Variants in PRRC2C observed in about 807,000 individuals in gnomAD.
The protein encoded by PRRC2C is proline rich coiled-coil 2C.
PRRC2C carries 72 observed loss-of-function variants against 317.2 expected under a neutral mutation model. The observed-to-expected ratio is 0.23, with a 90% confidence interval of 0.19 to 0.28. The LOEUF is 0.28. Ranked by LOEUF, PRRC2C falls within the 10% of genes least tolerant of loss-of-function variation. The pLI is 1.00. For missense variants in PRRC2C, 3,074 were observed against 3,459.7 expected (o/e 0.89, Z 2.80); for synonymous variants, 1,296 against 1,205.9 (o/e 1.07, Z -1.55).
In PRRC2C at chr1:171,591,802, A is replaced by G; in HGVS notation, c.8652A>G (p.Gly2884=). The G allele has an allele frequency of 6.2e-7, 1 of 1,612,114 alleles. No individual in the cohort carries two copies. The highest frequency in any genetic ancestry group is 1.1e-5 in the South Asian group (1 of 90,978). ...TAGCCACCAAACCTGTTAGAACTGG[A>G]CCAATCAAACCTCAGGCGATCAAAA... is the stretch of plus-strand genomic sequence containing the variant. ...PSIATKPVRT[G]PIKPQAIKTE... The change falls in exon 35 of 35, where the codon GGA becomes GGG. Residue 2884 remains glycine, a synonymous_variant. Transcript: ENST00000647382.
chr1:171,548,895 A>G (rs973857417), intron 17 of PRRC2C, among the ~76,000 whole-genome samples: 4 of 152,178 alleles, frequency 2.6e-5, no homozygotes, highest in African/African-American at 9.7e-5. Flanking sequence ...TTGCTCTCCC[A>G]GGCTGGAGTG....
At chr1:171,588,260 A>G (rs1412709844) in intron 32 of PRRC2C, 119 bp from the exon 33 acceptor site, 36 of 1,119,682 alleles carry the variant, frequency 3.2e-5, no homozygotes, top group Non-Finnish European at 4.6e-5. Flanking sequence ...GGTAATCATC[A>G]TAGTAAATTT....
intron 20 of PRRC2C, among the ~76,000 whole-genome samples, chr1:171,561,851 G>C (rs1682778890): frequency 6.6e-6 from 1 of 152,098 alleles, no homozygotes; most frequent in Non-Finnish European, 1.5e-5. Context: ...GGGGGTCAGT[G>C]ATTCTTCATT....
intron 21 of PRRC2C, 34 bp downstream of exon 21, chr1:171,566,455 T>C (rs781764425): frequency 2.2e-5 from 34 of 1,520,296 alleles, no homozygotes; most frequent in Non-Finnish European, 1.7e-5. Flanking sequence ...TAAAATTTTA[T>C]GAAGGCCACT....
chr1:171,555,523 G>A (rs1681201990), intron 18 of PRRC2C, among the ~76,000 whole-genome samples: 1 of 152,182 alleles, frequency 6.6e-6, no homozygotes, highest in South Asian at 2.1e-4. Context: ...AGGAGCTGTG[G>A]TCATTTGGAG....
chr1:171,556,179 G>T (rs901425655), intron 18 of PRRC2C, among the ~76,000 whole-genome samples: 2 of 152,216 alleles, frequency 1.3e-5, no homozygotes, highest in African/African-American at 4.8e-5. Flanking sequence ...TTTGATCTCG[G>T]ACTGCTGCGC....
At chr1:171,499,107 G>A (rs939163262) in intron 1 of PRRC2C, among the ~76,000 whole-genome samples, 5 of 152,174 alleles carry the variant, frequency 3.3e-5, no homozygotes, top group African/African-American at 4.8e-5. Context: ...ATGACACTCA[G>A]CCCTACTAAG....
At chr1:171,519,979 T>G (rs1312603545) in intron 6 of PRRC2C, among the ~76,000 whole-genome samples, 1 of 152,206 alleles carries the variant, frequency 6.6e-6, no homozygotes, top group African/African-American at 2.4e-5. Context: ...TACAATTACT[T>G]GTTAAATGTT....
Position 171,541,948 on chromosome 1 carries a change from A to T in PRRC2C, c.4482A>T (p.Ala1494=), listed in dbSNP as rs777466561. ...DLSNQNSSDQ[A]NEEWETASES... ...CTAATCAGAACTCTTCAGATCAGGC[A>T]AATGAAGAATGGGAAACAGCTTCTG... is the stretch of plus-strand genomic sequence containing the variant. Residue 1494 remains alanine (A), a synonymous_variant, in exon 16 of 35, where the codon GCA becomes GCT. Transcript: ENST00000647382. This position sits in a 1 kb window ranked among gnomAD's most constrained non-coding sequence, Gnocchi z 4.1. 6.2e-7 allele frequency: 1 copy of T among 1,613,998 alleles called. No individual in the cohort carries two copies. The highest frequency in any genetic ancestry group is 2.2e-5 in the East Asian group (1 of 44,888).
chr1:171,573,673 C>CTTTT (rs1024285954), intron 24 of PRRC2C, among the ~76,000 whole-genome samples: 3,725 of 85,740 alleles, frequency 0.043, 88 homozygotes, highest in Non-Finnish European at 0.057. Context: ...TCTCAAAATT[C>CTTTT]TTTTTTTTTT....
At chr1:171,519,383 C>T (rs1330828306) in intron 6 of PRRC2C, among the ~76,000 whole-genome samples, 1 of 152,084 alleles carries the variant, frequency 6.6e-6, no homozygotes, top group African/African-American at 2.4e-5. Flanking sequence ...CAGGCAACAT[C>T]CATTCGTTGA....
At chr1:171,557,218 TG>T in intron 18 of PRRC2C, 21 bp from the exon 19 acceptor site, 1 of 1,520,252 alleles carries the variant, frequency 6.6e-7, no homozygotes, top group Non-Finnish European at 8.8e-7. Flanking sequence ...TTGACAAAAA[TG>T]GTCCCCGTTA....
In PRRC2C at chr1:171,485,572, A is replaced by G. The variant is rs771574540; in HGVS notation, c.-221A>G. The G allele has an allele frequency of 1.3e-5, 2 of 152,626 alleles. No homozygotes were observed. The highest frequency in any genetic ancestry group is 2.9e-5 in the Non-Finnish European group (2 of 68,044). The allele number at this position is 152,626 out of a possible 1,614,324, so 9.5% of individuals were successfully genotyped here. ...TCTCGCTCGCTCGCTCCCCCTCGGAAAGCTGCGAAAGTGCTTTGGCGGTTT... is the reference window on the plus strand; with the variant it reads ...TCTCGCTCGCTCGCTCCCCCTCGGAGAGCTGCGAAAGTGCTTTGGCGGTTT... On this transcript the variant is annotated 5_prime_UTR_variant, in exon 1 of 35. Coordinates refer to ENST00000647382, the MANE Select transcript of PRRC2C (RefSeq NM_001387844.1).
chr1:171,512,986 G>T lies in PRRC2C; in HGVS notation c.113-9G>T, dbSNP rs377054289. On this transcript the variant is annotated splice_polypyrimidine_tract_variant and intron_variant, in intron 2 of 34. Coordinates refer to ENST00000647382, the MANE Select transcript of PRRC2C (RefSeq NM_001387844.1). ...ATGTTCTAAGAAAGTTGATGTTATT[G>T]ATCTTTAGTTGCAGCTCGACATGGA... is the stretch of plus-strand genomic sequence containing the variant. 6.3e-7 allele frequency: 1 copy of T among 1,592,976 alleles called. No individual in the cohort carries two copies. The highest frequency in any genetic ancestry group is 1.4e-5 in the African/African-American group (1 of 74,054).
intron 1 of PRRC2C, among the ~76,000 whole-genome samples, chr1:171,500,098 C>T (rs1668815793): frequency 6.6e-6 from 1 of 152,106 alleles, no homozygotes; most frequent in African/African-American, 2.4e-5. Context: ...ACTGAACTCT[C>T]ATCATGAGAA....
intron 1 of PRRC2C, among the ~76,000 whole-genome samples, chr1:171,490,637 C>T (rs76326091): frequency 0.014 from 2,172 of 152,244 alleles, 24 homozygotes; most frequent in Non-Finnish European, 0.02. Flanking sequence ...CTATAGAAAT[C>T]AGGGCAGAAG....
chr1:171,517,681 C>A lies in PRRC2C; in HGVS notation c.617C>A (p.Thr206Lys), dbSNP rs760620589. 1 of 1,613,536 alleles carries A rather than the reference C, an allele frequency of 6.2e-7. No individual in the cohort carries two copies. Among genetic ancestry groups the A allele is most frequent in the Non-Finnish European group, 8.5e-7 (1 of 1,179,808 alleles). ...DEKLPGQDES[T>K]AGTSEQNDIL... ...AAGCTCCCTGGCCAGGATGAAAGCA[C>A]AGCTGGAACATCAGAGCAAAATGAT... Residue 206 changes from threonine (T) to lysine (K), a missense_variant, in exon 6 of 35, where the codon ACA becomes AAA. This residue lies in a region of PRRC2C where 237 missense variants were observed against 199.5 expected (regional missense o/e 1.19). Coordinates refer to ENST00000647382, the MANE Select transcript of PRRC2C (RefSeq NM_001387844.1).
At chr1:171,553,048 C>T (rs1489486677) in intron 18 of PRRC2C, among the ~76,000 whole-genome samples, 3 of 152,194 alleles carry the variant, frequency 2.0e-5, no homozygotes, top group East Asian at 1.9e-4. Flanking sequence ...ACCGGCTCCT[C>T]TTTGTACCTC....
chr1:171,546,999 G>C (rs1427799277), intron 17 of PRRC2C, among the ~76,000 whole-genome samples: 2 of 152,184 alleles, frequency 1.3e-5, no homozygotes, highest in Non-Finnish European at 2.9e-5. Context: ...GGCTGAGGTG[G>C]GCGGATCACC....
Sources: gnomAD v4.1 joint callset for allele counts (sites outside exome capture counted in the v4.1 genomes callset) on GRCh38, gnomAD v4.1.1 for gene constraint, gnomAD v4.1.1 regional missense constraint, Gnocchi (gnomAD v3.1) non-coding constraint, MANE v1.5 for transcripts, NCBI Gene and HGNC (gene_info 2026-07-23, HGNC 2026-07-21) for gene names.